Variants in SKIC3 observed in about 807,000 individuals in gnomAD.
SKIC3 encodes SKI3 subunit of superkiller complex.
At chr5:95,535,086 C>G in the SKIC3 span, among the ~76,000 whole-genome samples, 1 of 152,116 alleles carries the variant, frequency 6.6e-6, no homozygotes, top group African/African-American at 2.4e-5. Context: ...CTCGTTCATT[C>G]AAACCTACTG....
At chr5:95,498,670 G>C in the SKIC3 span, 1 of 1,341,252 alleles carries the variant, frequency 7.5e-7, no homozygotes, top group South Asian at 1.3e-5. Context: ...CTGTCGCCCA[G>C]GCTGGAGTGC....
chr5:95,501,892 C>T, the SKIC3 span, among the ~76,000 whole-genome samples: 1,894 of 152,076 alleles, frequency 0.012, 43 homozygotes, highest in African/African-American at 0.044. Context: ...ACGATAGATA[C>T]ATGTTAAAAT....
chr5:95,546,939 G>T, the SKIC3 span: 1 of 927,456 alleles, frequency 1.1e-6, no homozygotes, highest in Non-Finnish European at 1.7e-6. Flanking sequence ...CATTCTAATG[G>T]TTCTACTAAA....
chr5:95,490,437 A>T, the SKIC3 span, among the ~76,000 whole-genome samples: 16 of 146,818 alleles, frequency 1.1e-4, no homozygotes, highest in African/African-American at 4.0e-4. Context: ...ATATTCATTA[A>T]ATAATGTATA....
the SKIC3 span, among the ~76,000 whole-genome samples, chr5:95,465,286 T>C: frequency 6.6e-6 from 1 of 152,196 alleles, no homozygotes; most frequent in Non-Finnish European, 1.5e-5. Flanking sequence ...GTTGGCTTTG[T>C]TAATAATACT....
chr5:95,530,083 A>G, the SKIC3 span: 122 of 1,612,482 alleles, frequency 7.6e-5, no homozygotes, highest in Admixed American at 1.5e-4. Context: ...TACACTGTAC[A>G]TTTACCTTCT....
chr5:95,529,237 T>C, the SKIC3 span: 37 of 781,974 alleles, frequency 4.7e-5, no homozygotes, highest in Admixed American at 2.2e-4. Flanking sequence ...GTCACACTGA[T>C]TCTCTGCCTC....
the SKIC3 span, chr5:95,498,387 T>C: frequency 1.2e-6 from 2 of 1,614,116 alleles, no homozygotes; most frequent in Non-Finnish European, 1.7e-6. Flanking sequence ...CAGCTTTAGA[T>C]ATTTGTTTTT....
chr5:95,466,464 C>G, the SKIC3 span, among the ~76,000 whole-genome samples: 4 of 152,146 alleles, frequency 2.6e-5, no homozygotes, highest in Non-Finnish European at 5.9e-5. Context: ...TAGGACAGTA[C>G]CCACCCTCAA....
chr5:95,485,618 T>C, the SKIC3 span, among the ~76,000 whole-genome samples: 1 of 152,202 alleles, frequency 6.6e-6, no homozygotes, highest in African/African-American at 2.4e-5. Context: ...AGGGTAATGC[T>C]GGCCTCATAG....
chr5:95,530,044 A>G, the SKIC3 span: 3 of 1,605,230 alleles, frequency 1.9e-6, no homozygotes, highest in Middle Eastern at 1.7e-4. Flanking sequence ...TACTGACTGA[A>G]TAATAATTAT....
the SKIC3 span, chr5:95,478,499 T>C: frequency 3.1e-6 from 5 of 1,602,794 alleles, no homozygotes; most frequent in Non-Finnish European, 4.3e-6. Context: ...TGCAGTCTGT[T>C]ACCCCTACTT....
the SKIC3 span, among the ~76,000 whole-genome samples, chr5:95,515,381 T>C: frequency 1.3e-5 from 2 of 152,176 alleles, no homozygotes; most frequent in African/African-American, 4.8e-5. Flanking sequence ...TAATTCTGCA[T>C]TAAGCAATCA....
At chr5:95,516,754 A>C in the SKIC3 span, 3 of 1,611,854 alleles carry the variant, frequency 1.9e-6, no homozygotes, top group Non-Finnish European at 2.5e-6. Flanking sequence ...TCAGACACTG[A>C]AAAGAAGTTA....
the SKIC3 span, among the ~76,000 whole-genome samples, chr5:95,466,363 C>G: frequency 6.6e-6 from 1 of 152,174 alleles, no homozygotes; most frequent in African/African-American, 2.4e-5. Flanking sequence ...CTAACTCCAT[C>G]CTATCTGCCT....
At chr5:95,518,417 C>T in the SKIC3 span, among the ~76,000 whole-genome samples, 5 of 152,112 alleles carry the variant, frequency 3.3e-5, no homozygotes, top group South Asian at 4.1e-4. Flanking sequence ...TCCTATCTAG[C>T]GTAATTTTGT....
chr5:95,467,787 CT>C, the SKIC3 span: 1 of 1,580,100 alleles, frequency 6.3e-7, no homozygotes, highest in South Asian at 1.2e-5. Context: ...AACAATAACT[CT>C]AAAACCCTTA....
chr5:95,470,038 G>A, the SKIC3 span: 116,533 of 1,094,070 alleles, frequency 0.11, 8,071 homozygotes, highest in African/African-American at 0.35. Flanking sequence ...GTGCAGTGGC[G>A]CGATCTCGGC....
chr5:95,545,958 T>A, the SKIC3 span, among the ~76,000 whole-genome samples: 582 of 152,276 alleles, frequency 3.8e-3, 4 homozygotes, highest in South Asian at 7.3e-3. Flanking sequence ...CCGTCCCAGT[T>A]CAATTACTGT....
Sources: allele counts gnomAD v4.1 joint callset (sites outside exome capture counted in the v4.1 genomes callset), GRCh38; gene constraint gnomAD v4.1.1; transcripts MANE v1.5; gene names NCBI Gene and HGNC (gene_info 2026-07-23, HGNC 2026-07-21).